The following CNTN1 variants were observed in gnomAD, a reference collection of about 807,000 sequenced individuals.
CNTN1 encodes contactin 1.
CNTN1 carries 38 observed loss-of-function variants against 126.4 expected under a neutral mutation model. The observed-to-expected ratio is 0.30, with a 90% CI of 0.23 to 0.39. The LOEUF (loss-of-function observed/expected upper bound fraction) is 0.39, where lower values mean the gene tolerates loss of function less well. Ranked by LOEUF, CNTN1 falls within the 10% of genes least tolerant of loss-of-function variation. The pLI is 1.00. For missense variants in CNTN1, 1,009 were observed against 1,248.4 expected, an observed-to-expected ratio of 0.81 and a Z score of 2.89; for synonymous variants, 413 against 422.6, an observed-to-expected ratio of 0.98 and a Z score of 0.28.
intron 16 of CNTN1, among the ~76,000 whole-genome samples, chr12:40,985,848 AGTGTGTGTGTGTCTGTGT>A (rs1046990567): frequency 2.0e-5 from 3 of 151,616 alleles, no homozygotes; most frequent in Admixed American, 6.6e-5. Flanking sequence ...GATAATGGAC[AGTGTGTGTGTGTCTGTGT>A]GTGTGTGTGT....
At chr12:40,892,700 T>G (rs1011858411) in intron 1 of CNTN1, among the ~76,000 whole-genome samples, 1 of 152,130 alleles carries the variant, frequency 6.6e-6, no homozygotes, top group Non-Finnish European at 1.5e-5. Flanking sequence ...GGAAGTCCAC[T>G]TCTGCAAGGG....
intron 1 of CNTN1, among the ~76,000 whole-genome samples, chr12:40,874,962 C>T (rs1465535456): frequency 1.3e-5 from 2 of 152,056 alleles, no homozygotes; most frequent in Admixed American, 6.6e-5. Context: ...ACATGGTGTT[C>T]CTGGAAATAA....
intron 23 of CNTN1, among the ~76,000 whole-genome samples, chr12:41,050,315 A>T (rs1282190467): frequency 1.3e-5 from 2 of 152,234 alleles, no homozygotes; most frequent in African/African-American, 4.8e-5. Flanking sequence ...TTATAAAGAA[A>T]AGAGGTTTAA....
intron 6 of CNTN1, among the ~76,000 whole-genome samples, chr12:40,925,781 TC>T (rs1204700011): frequency 7.0e-6 from 1 of 141,856 alleles, no homozygotes; most frequent in African/African-American, 2.6e-5. Context: ...AAAACCTTTT[TC>T]TTAAGGAACT....
chr12:41,035,329 A>G (rs189504364), intron 23 of CNTN1, among the ~76,000 whole-genome samples: 41 of 152,342 alleles, frequency 2.7e-4, no homozygotes, highest in African/African-American at 7.9e-4. Flanking sequence ...ATATTTTAGT[A>G]TTATAATGTG....
intron 1 of CNTN1, among the ~76,000 whole-genome samples, chr12:40,752,489 C>G (rs1938440966): frequency 6.6e-6 from 1 of 152,050 alleles, no homozygotes; most frequent in Non-Finnish European, 1.5e-5. Context: ...GAAAAAATGT[C>G]TGTTTTTAAA....
chr12:40,716,642 G>C (rs562271042), intron 1 of CNTN1, among the ~76,000 whole-genome samples: 5 of 152,164 alleles, frequency 3.3e-5, no homozygotes, highest in African/African-American at 1.2e-4. Flanking sequence ...TCAATGAAAA[G>C]GGCATTGGAA....
At chr12:40,877,108 A>C (rs1416357038) in intron 1 of CNTN1, among the ~76,000 whole-genome samples, 5 of 152,152 alleles carry the variant, frequency 3.3e-5, no homozygotes, top group South Asian at 4.1e-4. Flanking sequence ...ACAAGTTGGC[A>C]TATTTTCCCT....
At chr12:40,854,426 C>A (rs946927133) in intron 1 of CNTN1, among the ~76,000 whole-genome samples, 1 of 152,026 alleles carries the variant, frequency 6.6e-6, no homozygotes, top group East Asian at 1.9e-4. Flanking sequence ...TATTTAGTTT[C>A]ATCTCATCTC....
chr12:40,924,730 A>AG, intron 6 of CNTN1, 78 bp downstream of exon 6: 3 of 772,362 alleles, frequency 3.9e-6, no homozygotes, highest in Non-Finnish European at 7.0e-6. Context: ...TAATAATGCT[A>AG]CATTATTAAT....
Position 40,887,931 on chromosome 12 carries a change from G to A in CNTN1, c.-76-20426G>A, listed in dbSNP as rs556561821. On this transcript the variant is annotated intron_variant, in intron 1 of 23. Transcript: ENST00000551295. Reference sequence around the variant, plus strand: ...TCGCAAGGACAAAAAACCAAACACTGCATGTTCTCACTCATAGGTGGGAAT... The same window carrying A: ...TCGCAAGGACAAAAAACCAAACACTACATGTTCTCACTCATAGGTGGGAAT... Among the ~76,000 whole-genome samples the A allele has an allele frequency of 1.7e-3, 250 of 148,862 alleles. 2 individuals carry two copies. Among genetic ancestry groups the A allele is most frequent in the Middle Eastern group, 0.014 (4 of 284 alleles).
intron 1 of CNTN1, among the ~76,000 whole-genome samples, chr12:40,892,530 CACA>C (rs1158247011): frequency 6.6e-6 from 1 of 151,908 alleles, no homozygotes. Flanking sequence ...AAGAAGGAGA[CACA>C]ACAAGAAGAG....
chr12:40,800,273 C>G (rs1161110293), intron 1 of CNTN1, among the ~76,000 whole-genome samples: 1 of 151,894 alleles, frequency 6.6e-6, no homozygotes, highest in Non-Finnish European at 1.5e-5. Flanking sequence ...GCCTACTTCT[C>G]CCTTGCCTTC....
intron 1 of CNTN1, among the ~76,000 whole-genome samples, chr12:40,765,151 T>C (rs1302733537): frequency 1.3e-5 from 2 of 152,010 alleles, no homozygotes; most frequent in African/African-American, 4.8e-5. Context: ...TGATAATGGA[T>C]ATATATGCAG....
chr12:40,896,292 T>C (rs561305557), intron 1 of CNTN1, among the ~76,000 whole-genome samples: 1 of 151,156 alleles, frequency 6.6e-6, no homozygotes, highest in Non-Finnish European at 1.5e-5. Context: ...ATAAGGTATG[T>C]TTTTTTTTCC....
intron 1 of CNTN1, among the ~76,000 whole-genome samples, chr12:40,698,078 C>T (rs1292691938): frequency 1.3e-5 from 2 of 152,072 alleles, no homozygotes; most frequent in Admixed American, 6.6e-5. Context: ...TGTTACTACT[C>T]AATTTGCTTA....
chr12:40,770,581 G>A (rs762711539), intron 1 of CNTN1, among the ~76,000 whole-genome samples: 1 of 152,082 alleles, frequency 6.6e-6, no homozygotes, highest in Non-Finnish European at 1.5e-5. Flanking sequence ...TTGAAGCCAT[G>A]AAAAGAATTA....
At chr12:41,019,041 A>G (rs1292896584) in intron 19 of CNTN1, among the ~76,000 whole-genome samples, 2 of 152,208 alleles carry the variant, frequency 1.3e-5, no homozygotes, top group Non-Finnish European at 2.9e-5. Flanking sequence ...CTGTAATCTC[A>G]GCTACTCAGG....
chr12:40,842,201 C>T (rs1333584354), intron 1 of CNTN1, among the ~76,000 whole-genome samples: 3 of 151,622 alleles, frequency 2.0e-5, no homozygotes, highest in African/African-American at 7.3e-5. Context: ...TTGCATGTAC[C>T]CTGCTGAAAT....
Sources: allele counts gnomAD v4.1 joint callset (sites outside exome capture counted in the v4.1 genomes callset), GRCh38; gene constraint gnomAD v4.1.1; transcripts MANE v1.5; gene names NCBI Gene and HGNC (gene_info 2026-07-23, HGNC 2026-07-21).